Variants in ANXA6 observed in about 807,000 individuals in gnomAD.
ANXA6 encodes 67 kDa calelectrin.
ANXA6 carries 71 observed loss-of-function variants against 95.4 expected under a neutral mutation model. That is an observed-to-expected ratio of 0.74 (90% CI 0.61 to 0.91). ANXA6 has a LOEUF of 0.91. ANXA6 is among the 40% of genes least tolerant of loss of function. The pLI, the probability that ANXA6 is intolerant of heterozygous loss-of-function variation, is 0.00. For missense variants in ANXA6, 830 were observed against 876.4 expected (o/e 0.95, Z 0.67); for synonymous variants, 289 against 315.9 (o/e 0.91, Z 0.90).
chr5:151,102,964 A>G (rs1234450601), intron 25 of ANXA6, among the ~76,000 whole-genome samples: 1 of 152,150 alleles, frequency 6.6e-6, no homozygotes, highest in Non-Finnish European at 1.5e-5. Flanking sequence ...CCCTTAAAAC[A>G]GGTGAATTTT....
At position 151,148,944 on chromosome 5, in the gene ANXA6, G is replaced by A. The variant is rs534188186; in HGVS notation, c.-25-1018C>T. The stretch of plus-strand genomic sequence containing the variant: ...AATTCTGGCACTTTGGGAAGCTGAG[G>A]TGGGAGGATAATTTGAGCCCAGGAG... On this transcript the variant is annotated intron_variant, in intron 1 of 25. Coordinates refer to ENST00000354546, the MANE Select transcript of ANXA6 (RefSeq NM_001155.5). Among the ~76,000 whole-genome samples the A allele has an allele frequency of 2.0e-4, 31 of 152,102 alleles. No homozygotes were observed. The East Asian group carries it at 4.4e-3, about 22-fold the overall frequency.
At chr5:151,131,681 G>A (rs952475067) in intron 10 of ANXA6, among the ~76,000 whole-genome samples, 5 of 152,098 alleles carry the variant, frequency 3.3e-5, no homozygotes, top group Non-Finnish European at 7.4e-5. Flanking sequence ...CTGAATCACC[G>A]TGAGTCCCAC....
At position 151,128,043 on chromosome 5, in the gene ANXA6, G is replaced by A. The variant is rs2303030; in HGVS notation, c.977+138C>T. ...AGCACAGCAGCTACCAGCAAAAGCC[G>A]CCTTTCACTTGTGCGACGCTCCTGG... On this transcript the variant is annotated intron_variant, in intron 13 of 25. Coordinates refer to ENST00000354546, the MANE Select transcript of ANXA6 (RefSeq NM_001155.5). 0.11 allele frequency: 80,390 copies of A among 729,760 alleles called. 5,075 individuals carry two copies. Among genetic ancestry groups the A allele is most frequent in the South Asian group, 0.16 (10,054 of 63,250 alleles). The allele number at this position is 729,760 out of a possible 1,614,324, so 45.2% of individuals were successfully genotyped here.
At chr5:151,104,026 C>T (rs1764623408) in intron 24 of ANXA6, among the ~76,000 whole-genome samples, 1 of 152,136 alleles carries the variant, frequency 6.6e-6, no homozygotes, top group Admixed American at 6.5e-5. Context: ...AAACCAATAA[C>T]CAATATCTTT....
At chr5:151,103,377 T>C (rs1764601686) in intron 25 of ANXA6, among the ~76,000 whole-genome samples, 193 bp downstream of exon 25, 1 of 152,228 alleles carries the variant, frequency 6.6e-6, no homozygotes, top group East Asian at 1.9e-4. Flanking sequence ...AAATCTTTAA[T>C]TATAAACCTT....
At chr5:151,137,140 G>A in intron 6 of ANXA6, 91 bp downstream of exon 6, 2 of 1,064,934 alleles carry the variant, frequency 1.9e-6, no homozygotes, top group Non-Finnish European at 2.8e-6. Context: ...GAGGAGAGAA[G>A]GTAGATGGCT....
chr5:151,105,603 G>A (rs1764675559), intron 23 of ANXA6, among the ~76,000 whole-genome samples: 1 of 152,074 alleles, frequency 6.6e-6, no homozygotes, highest in Non-Finnish European at 1.5e-5. Flanking sequence ...CAAGGCACGG[G>A]GCCTCAAATT....
chr5:151,125,103 T>A (rs1765280787), intron 14 of ANXA6, among the ~76,000 whole-genome samples: 1 of 152,190 alleles, frequency 6.6e-6, no homozygotes, highest in Non-Finnish European at 1.5e-5. Flanking sequence ...ATGCCTGTAA[T>A]CTCAGCACTT....
chr5:151,117,324 G>A (rs904895779), intron 19 of ANXA6, 144 bp from the exon 20 acceptor site: 2 of 732,834 alleles, frequency 2.7e-6, no homozygotes, highest in Non-Finnish European at 4.2e-6. Flanking sequence ...CCTCTATAAG[G>A]TAGGCTGTTG....
chr5:151,109,954 G>T, intron 21 of ANXA6, 108 bp from the exon 22 acceptor site: 1 of 815,070 alleles, frequency 1.2e-6, no homozygotes, highest in Non-Finnish European at 2.0e-6. Flanking sequence ...CAGAAGCTGG[G>T]CTCACCCAGC....
In ANXA6 at chr5:151,101,022, T is replaced by C; in HGVS notation, c.*426A>G. Reference sequence around the variant, plus strand: ...ATTTGTCAGTTTGCCCCAGCACATTTACTATCCTTCCCACCACCCCGCCCA... The same window carrying C: ...ATTTGTCAGTTTGCCCCAGCACATTCACTATCCTTCCCACCACCCCGCCCA... On this transcript the variant is annotated 3_prime_UTR_variant, in exon 26 of 26. Transcript: ENST00000354546. 1 of 463,010 alleles carries C rather than the reference T, an allele frequency of 2.2e-6. No individual in the cohort carries two copies. The highest frequency in any genetic ancestry group is 6.8e-5 in the East Asian group (1 of 14,802). 28.7% of individuals were successfully genotyped at this position (463,010 alleles called of 1,614,324 possible).
At chr5:151,129,264 T>G in intron 12 of ANXA6, 143 bp downstream of exon 12, 1 of 1,048,508 alleles carries the variant, frequency 9.5e-7, no homozygotes, top group Non-Finnish European at 1.4e-6. Context: ...ATTCCTTGAA[T>G]GAGCCACAAG....
At chr5:151,154,460 C>A (rs1027614200) in intron 1 of ANXA6, among the ~76,000 whole-genome samples, 6 of 152,094 alleles carry the variant, frequency 3.9e-5, no homozygotes, top group Non-Finnish European at 8.8e-5. Flanking sequence ...CCTGTACCCC[C>A]AAAAGATCAT....
intron 23 of ANXA6, among the ~76,000 whole-genome samples, chr5:151,105,828 G>A (rs1221219396): frequency 2.0e-5 from 3 of 152,236 alleles, no homozygotes; most frequent in South Asian, 4.1e-4. Context: ...AACTCTAGAG[G>A]TGAGTGACCA....
intron 13 of ANXA6, 73 bp downstream of exon 13, chr5:151,128,108 A>G: frequency 7.7e-7 from 1 of 1,306,508 alleles, no homozygotes; most frequent in Non-Finnish European, 1.1e-6. Context: ...ACCCATCAGG[A>G]TGCGAGCCAG....
Position 151,117,107 on chromosome 5 carries a change from G to A in ANXA6, c.1572+20C>T, listed in dbSNP as rs1463087256. The A allele has an allele frequency of 6.4e-7, 1 of 1,573,564 alleles. No individual in the cohort carries two copies. The highest frequency in any genetic ancestry group is 1.8e-5 in the Admixed American group (1 of 56,790). ...CAGGGACACCCGGCAGAGGTGACTG[G>A]GGTGGGCTGGGGGTCTTACCTGGGC... On this transcript the variant is annotated intron_variant, in intron 20 of 25. Coordinates refer to ENST00000354546, the MANE Select transcript of ANXA6 (RefSeq NM_001155.5).
At chr5:151,130,004 C>T (rs1765450747) in intron 11 of ANXA6, among the ~76,000 whole-genome samples, 2 of 152,154 alleles carry the variant, frequency 1.3e-5, no homozygotes, top group South Asian at 4.1e-4. Flanking sequence ...GCCCGGCCCT[C>T]TCACTGTTAT....
chr5:151,140,380 C>A (rs180944001), intron 2 of ANXA6, 137 bp from the exon 3 acceptor site: 307 of 719,174 alleles, frequency 4.3e-4, no homozygotes, highest in Non-Finnish European at 6.6e-4. Context: ...GCCACATACA[C>A]CCTGGGGAGC....
chr5:151,121,148 G>A (rs547969915), intron 17 of ANXA6, among the ~76,000 whole-genome samples: 4 of 152,266 alleles, frequency 2.6e-5, no homozygotes, highest in South Asian at 2.1e-4. Context: ...CTCTTAATGC[G>A]CAAGGGGCCA....
Sources: gnomAD v4.1 joint callset for allele counts (sites outside exome capture counted in the v4.1 genomes callset) on GRCh38, gnomAD v4.1.1 for gene constraint, MANE v1.5 for transcripts, NCBI Gene and HGNC (gene_info 2026-07-23, HGNC 2026-07-21) for gene names.